The following PLIN3 variants were observed in gnomAD, a reference collection of about 807,000 sequenced individuals.
PLIN3 encodes the protein perilipin-3.
In PLIN3, 30 loss-of-function variants were observed where a neutral mutation model predicts 35.9. The observed-to-expected ratio is 0.84, with a 90% CI of 0.62 to 1.13. The LOEUF is 1.13. Among genes scored for constraint, PLIN3 ranks in the 50% most tolerant of loss-of-function variants. PLIN3 has a pLI of 0.00. For synonymous variants in PLIN3, 261 were observed against 262.5 expected (o/e 0.99, Z 0.06); for missense variants, 603 against 596.9 (o/e 1.01, Z -0.11).
chr19:4,846,623 C>A (rs978407120), intron 6 of PLIN3, among the ~76,000 whole-genome samples: 2 of 151,636 alleles, frequency 1.3e-5, no homozygotes, highest in Non-Finnish European at 2.9e-5. Flanking sequence ...CACTTGAACC[C>A]GGGAAGTGGA....
intron 4 of PLIN3, among the ~76,000 whole-genome samples, chr19:4,858,699 T>C (rs8099874): frequency 2.8e-5 from 3 of 106,490 alleles, no homozygotes; most frequent in African/African-American, 1.1e-4. Flanking sequence ...GGTGTTTTTT[T>C]GGTTTTTTTT....
chr19:4,859,810 CT>C lies in PLIN3; in HGVS notation c.265+15del, dbSNP rs761403657. The stretch of plus-strand genomic sequence containing the variant: ...GACCAGGAGGGGAATTCAGTGCCCC[CT>C]GGGACTTCACCCACTCTGGGGCTCC... On this transcript the variant is annotated intron_variant, in intron 3 of 7. Transcript: ENST00000221957. 3.7e-5 allele frequency: 60 copies of C among 1,612,830 alleles called. No homozygotes were observed. The African/African-American group carries it at 5.9e-4, about 16-fold the overall frequency.
intron 4 of PLIN3, among the ~76,000 whole-genome samples, chr19:4,853,886 T>C (rs777907098): frequency 2.5e-4 from 38 of 150,360 alleles, no homozygotes; most frequent in African/African-American, 6.1e-4. Context: ...ACCCAGCACA[T>C]GGTGAGCGCT....
At chr19:4,842,280 T>A (rs1320331438) in intron 7 of PLIN3, among the ~76,000 whole-genome samples, 1 of 151,702 alleles carries the variant, frequency 6.6e-6, no homozygotes, top group Non-Finnish European at 1.5e-5. Context: ...TACAAAAAAA[T>A]TAGCTGGGTG....
At chr19:4,853,603 G>C (rs2030376141) in intron 4 of PLIN3, among the ~76,000 whole-genome samples, 3 of 151,936 alleles carry the variant, frequency 2.0e-5, no homozygotes, top group Admixed American at 1.3e-4. Context: ...GGGATTACAA[G>C]CATGAGCCAC....
intron 1 of PLIN3, among the ~76,000 whole-genome samples, chr19:4,866,282 T>G (rs2030856001): frequency 6.6e-6 from 1 of 152,166 alleles, no homozygotes. Flanking sequence ...CCTCCCAAAG[T>G]GCTGGGATTA....
intron 1 of PLIN3, among the ~76,000 whole-genome samples, chr19:4,862,755 TC>T (rs2030716515): frequency 6.6e-6 from 1 of 152,098 alleles, no homozygotes; most frequent in African/African-American, 2.4e-5. Flanking sequence ...AAACCTCACT[TC>T]GGGGAAGAAC....
In PLIN3 at chr19:4,839,249, C is replaced by G; in HGVS notation, c.1248G>C (p.Trp416Cys). The G allele has an allele frequency of 6.2e-7, 1 of 1,611,694 alleles. No individual in the cohort carries two copies. ...EYVAQNTPVT[W>C]LVGPFAPGIT... ...TTCCAGGGGCAAAGGGTCCCACGAG[C>G]CACGTGACAGGTGTGTTCTGGGCCA... Residue 416 changes from tryptophan to cysteine, a missense_variant, in exon 8 of 8, where the codon TGG (tryptophan) becomes TGC (cysteine). Transcript: ENST00000221957.
At chr19:4,865,226 C>T (rs1007132126) in intron 1 of PLIN3, among the ~76,000 whole-genome samples, 3 of 151,684 alleles carry the variant, frequency 2.0e-5, no homozygotes, top group East Asian at 1.9e-4. Flanking sequence ...TGGTAGCTCA[C>T]GCCTGTAATC....
At chr19:4,859,753 G>C (rs1238017373) in intron 3 of PLIN3, 73 bp downstream of exon 3, 2 of 1,599,600 alleles carry the variant, frequency 1.3e-6, no homozygotes, top group African/African-American at 1.3e-5. Context: ...CCAAGAGCTG[G>C]GTAGACCCCC....
intron 7 of PLIN3, among the ~76,000 whole-genome samples, chr19:4,840,002 C>T (rs1312946204): frequency 2.2e-5 from 3 of 133,766 alleles, no homozygotes; most frequent in African/African-American, 8.6e-5. Context: ...GAGTCTTGCT[C>T]TGTTGCCCAG....
intron 4 of PLIN3, 85 bp downstream of exon 4, chr19:4,859,505 C>G: frequency 2.6e-6 from 3 of 1,146,100 alleles, no homozygotes; most frequent in Non-Finnish European, 4.0e-6. Flanking sequence ...TGCCATCAAG[C>G]TTGTCTAGTT....
intron 7 of PLIN3, among the ~76,000 whole-genome samples, chr19:4,843,179 G>A (rs2029960003): frequency 6.6e-6 from 1 of 151,338 alleles, no homozygotes; most frequent in Non-Finnish European, 1.5e-5. Context: ...CTGAGATTGT[G>A]CCACTGCACT....
chr19:4,861,404 A>C lies in PLIN3; in HGVS notation c.-10T>G, dbSNP rs1330520248. On this transcript the variant is annotated 5_prime_UTR_variant, in exon 2 of 8. Coordinates refer to ENST00000221957, the MANE Select transcript of PLIN3 (RefSeq NM_005817.5). ...CCCCGTCGGCAGACATGGTCTCTGC[A>C]GCAGACGCTGAGGAGAGAGGAACAG... 1 of 1,611,066 alleles carries C rather than the reference A, an allele frequency of 6.2e-7. No homozygotes were observed. Among genetic ancestry groups the C allele is most frequent in the East Asian group, 2.2e-5 (1 of 44,868 alleles).
At position 4,839,345 on chromosome 19, in the gene PLIN3, G is replaced by A; in HGVS notation, c.1152C>T (p.Ser384=). ...GCTCACGGCTCTGGGCCAGAATGCT[G>A]CTGGACAGGTCCTGGAAGGAGTGGA... The part of the protein sequence containing the change: ...SSIHSFQDLS[S]SILAQSRERV... The change falls in exon 8 of 8, where the codon AGC becomes AGT. Residue 384 remains serine (S), a synonymous_variant. Coordinates refer to ENST00000221957, the MANE Select transcript of PLIN3 (RefSeq NM_005817.5). 6.2e-7 allele frequency: 1 copy of A among 1,613,982 alleles called. No homozygotes were observed. Among genetic ancestry groups the A allele is most frequent in the Non-Finnish European group, 8.5e-7 (1 of 1,179,916 alleles).
intron 4 of PLIN3, among the ~76,000 whole-genome samples, chr19:4,853,143 T>A (rs1313937869): frequency 2.6e-5 from 4 of 151,150 alleles, no homozygotes; most frequent in Non-Finnish European, 5.9e-5. Context: ...AATTTAATTT[T>A]TTTTCTTTTG....
rs779471783 is a variant in PLIN3 at position 4,861,292 on chromosome 19, A to G, written c.66+37T>C. ...GGAAGCCTCCTTGCACGGGAATCAC[A>G]GGGTCGGGGCAGTCCCTGGTCCCGG... On this transcript the variant is annotated intron_variant, in intron 2 of 7. Coordinates refer to ENST00000221957, the MANE Select transcript of PLIN3 (RefSeq NM_005817.5). The G allele has an allele frequency of 3.2e-6, 5 of 1,581,352 alleles. No individual in the cohort carries two copies. The South Asian group carries it at 5.5e-5, about 17-fold the overall frequency.
At chr19:4,842,018 G>GC (rs2029908490) in intron 7 of PLIN3, among the ~76,000 whole-genome samples, 1 of 151,890 alleles carries the variant, frequency 6.6e-6, no homozygotes, top group African/African-American at 2.4e-5. Flanking sequence ...ACCATCCGGG[G>GC]AGAACATAGT....
intron 6 of PLIN3, among the ~76,000 whole-genome samples, chr19:4,845,081 G>C (rs1187998953): frequency 3.3e-5 from 5 of 152,142 alleles, no homozygotes; most frequent in African/African-American, 4.8e-5. Flanking sequence ...CTGGACACGT[G>C]GCTGGCTTTG....
Sources: allele counts gnomAD v4.1 joint callset (sites outside exome capture counted in the v4.1 genomes callset), GRCh38; gene constraint gnomAD v4.1.1; transcripts MANE v1.5; gene names NCBI Gene and HGNC (gene_info 2026-07-23, HGNC 2026-07-21).